The following GABRA5 variants were observed in gnomAD, a reference collection of about 807,000 sequenced individuals.
GABRA5 encodes gamma-aminobutyric acid receptor subunit alpha-5.
A neutral mutation model predicts 47.3 loss-of-function variants in GABRA5; 18 were observed. The ratio of observed to expected loss-of-function variants is 0.38; its 90% confidence interval spans 0.26 to 0.56. The LOEUF (loss-of-function observed/expected upper bound fraction) is 0.56, where lower values mean the gene tolerates loss of function less well. GABRA5 is among the 20% of genes least tolerant of loss of function. The pLI is 0.71. For missense variants in GABRA5, 365 were observed against 599.3 expected (o/e 0.61, Z 4.08); for synonymous variants, 237 against 229.3 (o/e 1.03, Z -0.30).
intron 8 of GABRA5, among the ~76,000 whole-genome samples, chr15:26,937,996 G>A (rs1595434973): frequency 6.6e-6 from 1 of 152,356 alleles, no homozygotes; most frequent in Non-Finnish European, 1.5e-5. Context: ...GAGCTCCAAA[G>A]AGCCTCTGCA....
At chr15:26,887,739 G>A (rs1892913513) in intron 6 of GABRA5, among the ~76,000 whole-genome samples, 1 of 152,036 alleles carries the variant, frequency 6.6e-6, no homozygotes, top group Non-Finnish European at 1.5e-5. Context: ...CTCCATATAG[G>A]TTATTGTACT....
In GABRA5 at chr15:26,883,291, C is replaced by T; in HGVS notation, c.277-46C>T. On this transcript the variant is annotated intron_variant, in intron 5 of 10. Transcript: ENST00000335625. The surrounding 1 kb of genome is among the most constrained non-coding windows in gnomAD (Gnocchi z 4.8). The stretch of plus-strand genomic sequence containing the variant: ...CTTACTCCGCGCCGCAGGCCCCCGC[C>T]CAGGCCCCGTGCCCTCTGACTGCCT... 1 of 1,611,540 alleles carries T rather than the reference C, an allele frequency of 6.2e-7. No individual in the cohort carries two copies. Among genetic ancestry groups the T allele is most frequent in the Non-Finnish European group, 8.5e-7 (1 of 1,177,660 alleles).
intron 7 of GABRA5, among the ~76,000 whole-genome samples, chr15:26,932,214 T>C (rs1197596251): frequency 1.3e-5 from 2 of 152,300 alleles, no homozygotes; most frequent in East Asian, 3.9e-4. Flanking sequence ...TTTTGCAAGC[T>C]ATCCATCTGA....
chr15:26,880,716 TG>T, intron 3 of GABRA5, 129 bp from the exon 4 acceptor site: 2 of 846,660 alleles, frequency 2.4e-6, no homozygotes, highest in Non-Finnish European at 3.6e-6. Context: ...CTAGGCACTA[TG>T]GGAGCTGTGT....
intron 7 of GABRA5, among the ~76,000 whole-genome samples, chr15:26,917,408 A>C (rs1046239374): frequency 6.6e-6 from 1 of 152,116 alleles, no homozygotes; most frequent in Non-Finnish European, 1.5e-5. Context: ...CCTTCTTTGC[A>C]TCCCAGAGAT....
chr15:26,888,374 C>A (rs970989789), intron 6 of GABRA5, among the ~76,000 whole-genome samples: 2 of 152,168 alleles, frequency 1.3e-5, no homozygotes, highest in African/African-American at 4.8e-5. Flanking sequence ...AGAACCATGC[C>A]CAGAATTAGG....
At chr15:26,870,720 T>C (rs1892446922) in intron 3 of GABRA5, among the ~76,000 whole-genome samples, 1 of 152,232 alleles carries the variant, frequency 6.6e-6, no homozygotes, top group Non-Finnish European at 1.5e-5. Flanking sequence ...GCCTGTAAAC[T>C]AGCATGTTCA....
At chr15:26,884,160 G>A (rs923252670) in intron 6 of GABRA5, among the ~76,000 whole-genome samples, 2 of 152,054 alleles carry the variant, frequency 1.3e-5, no homozygotes, top group African/African-American at 4.8e-5. Flanking sequence ...CTGCGCTCCA[G>A]CCTGGGTGAC....
chr15:26,879,167 C>T (rs891492824), intron 3 of GABRA5, among the ~76,000 whole-genome samples: 1 of 152,204 alleles, frequency 6.6e-6, no homozygotes, highest in Admixed American at 6.5e-5. Context: ...GATAAAGAGA[C>T]AGCAAAGACC....
At chr15:26,885,753 C>T (rs1328803911) in intron 6 of GABRA5, among the ~76,000 whole-genome samples, 2 of 152,082 alleles carry the variant, frequency 1.3e-5, no homozygotes, top group Non-Finnish European at 2.9e-5. Context: ...TGGAGAGAAG[C>T]GAGTGCAGTC....
chr15:26,930,344 A>T (rs531709181), intron 7 of GABRA5, among the ~76,000 whole-genome samples: 1 of 152,010 alleles, frequency 6.6e-6, no homozygotes, highest in African/African-American at 2.4e-5. Context: ...TCTTTAAGTC[A>T]TTTCCCTCTC....
chr15:26,917,153 G>A lies in GABRA5; in HGVS notation c.580+2268G>A, dbSNP rs548024646. Reference sequence around the variant, plus strand: ...GGGTGGGTATCTTTGCTTTGTCCCTGATGCTAGAGAAAAAGTTGTCAGTTT... The same window carrying A: ...GGGTGGGTATCTTTGCTTTGTCCCTAATGCTAGAGAAAAAGTTGTCAGTTT... On this transcript the variant is annotated intron_variant, in intron 7 of 10. Coordinates refer to ENST00000335625, the MANE Select transcript of GABRA5 (RefSeq NM_000810.4). Among the ~76,000 whole-genome samples, 51 of 152,140 alleles carry A rather than the reference G, an allele frequency of 3.4e-4. 1 individual carries two copies. The highest frequency in any genetic ancestry group is 1.2e-3 in the African/African-American group (50 of 41,520).
intron 6 of GABRA5, among the ~76,000 whole-genome samples, chr15:26,903,579 A>G (rs12908735): frequency 0.35 from 53,090 of 152,032 alleles, 10,731 homozygotes; most frequent in Middle Eastern, 0.46. Context: ...CCAACAGTGT[A>G]TAAGCATTCC....
In GABRA5 at chr15:26,869,229, A is replaced by G. The variant is rs752619844; in HGVS notation, c.-20A>G. 1.4e-6 allele frequency: 2 copies of G among 1,444,110 alleles called. No homozygotes were observed. Among genetic ancestry groups the G allele is most frequent in the African/African-American group, 2.8e-5 (2 of 71,554 alleles). 89.5% of individuals were successfully genotyped at this position (1,444,110 alleles called of 1,614,324 possible). On this transcript the variant is annotated 5_prime_UTR_variant, in exon 3 of 11. Coordinates refer to ENST00000335625, the MANE Select transcript of GABRA5 (RefSeq NM_000810.4). Reference sequence around the variant, plus strand: ...TTATTCCTCCATATTCACCTGCTTCAACTACTATTCTTATTGGGAATGGAC... The same window carrying G: ...TTATTCCTCCATATTCACCTGCTTCGACTACTATTCTTATTGGGAATGGAC...
intron 6 of GABRA5, among the ~76,000 whole-genome samples, chr15:26,894,441 C>T (rs1028836203): frequency 3.9e-5 from 6 of 152,108 alleles, no homozygotes; most frequent in African/African-American, 1.4e-4. Context: ...GGAACGATCC[C>T]GGGCCCCTCC....
At chr15:26,879,297 T>C (rs544096802) in intron 3 of GABRA5, among the ~76,000 whole-genome samples, 21 of 152,286 alleles carry the variant, frequency 1.4e-4, no homozygotes, top group African/African-American at 4.6e-4. Flanking sequence ...GTTACACAAC[T>C]GGGCAGGTAC....
Position 26,883,586 on chromosome 15 carries a change from C to CGCGGGGGGGGGGGGGGGGGGGCG in GABRA5, c.497+30_497+31insCGGGGGGGGGGGGGGGGGGGCGG. 1.8e-6 allele frequency: 1 copy of CGCGGGGGGGGGGGGGGGGGGGCG among 560,474 alleles called. No individual in the cohort carries two copies. The highest frequency in any genetic ancestry group is 2.0e-5 in the African/African-American group (1 of 51,174). 34.7% of individuals were successfully genotyped at this position (560,474 alleles called of 1,614,324 possible). On this transcript the variant is annotated intron_variant, in intron 6 of 10. Transcript: ENST00000335625. The surrounding 1 kb of genome is among the most constrained non-coding windows in gnomAD (Gnocchi z 4.8). ...AGCGCCGGGCGGGGGCGGGCGGGGC[C>CGCGGGGGGGGGGGGGGGGGGGCG]GGGGGACGGTGCGGGGCAGGCGCGG...
intron 6 of GABRA5, among the ~76,000 whole-genome samples, chr15:26,900,136 G>A (rs1055309597): frequency 6.6e-6 from 1 of 151,924 alleles, no homozygotes; most frequent in African/African-American, 2.4e-5. Context: ...AACCAACTTA[G>A]TTTCAGTCAT....
intron 7 of GABRA5, among the ~76,000 whole-genome samples, chr15:26,922,957 G>T (rs12915555): frequency 0.82 from 124,281 of 152,158 alleles, 51,041 homozygotes; most frequent in East Asian, 0.91. Context: ...AATTTATCAC[G>T]GTCTGCTGTA....
Sources: allele counts gnomAD v4.1 joint callset (sites outside exome capture counted in the v4.1 genomes callset), GRCh38; gene constraint gnomAD v4.1.1; non-coding constraint Gnocchi (gnomAD v3.1); transcripts MANE v1.5; gene names NCBI Gene and HGNC (gene_info 2026-07-23, HGNC 2026-07-21).